SCN2A: variants seen among roughly 807,000 people sequenced by gnomAD.
SCN2A encodes sodium voltage-gated channel alpha subunit 2.
Under a neutral mutation model 188.7 loss-of-function variants are expected in SCN2A, and 20 were observed. That is an observed-to-expected ratio of 0.11 (90% CI 0.07 to 0.15). The LOEUF (loss-of-function observed/expected upper bound fraction) is 0.15. SCN2A is among the 10% of genes least tolerant of loss of function. The probability of loss-of-function intolerance (pLI) is 1.00; values close to 1 mark genes in which losing one functional copy is unlikely to be tolerated. For missense variants in SCN2A, 1,278 were observed against 2,445.0 expected (o/e 0.52, Z 10.07); for synonymous variants, 804 against 833.1 (o/e 0.97, Z 0.60).
chr2:165,267,505 T>G (rs979442706), intron 1 of SCN2A: 9 of 151,904 alleles, frequency 5.9e-5, no homozygotes, highest in Admixed American at 5.9e-4. Flanking sequence ...CAAAATGGAT[T>G]AACAACTTAC....
intron 1 of SCN2A, chr2:165,266,788 C>A (rs1197286600): frequency 6.6e-6 from 1 of 151,952 alleles, no homozygotes; most frequent in Non-Finnish European, 1.5e-5. Context: ...TACAAAAAAA[C>A]CTGTTAGAAC....
In SCN2A at chr2:165,388,783, G is replaced by A. The variant is rs1250394077; in HGVS notation, c.4977G>A (p.Ala1659=). 2.2e-5 allele frequency: 36 copies of A among 1,613,938 alleles called. No individual in the cohort carries two copies. Among genetic ancestry groups the A allele is most frequent in the East Asian group, 4.5e-5 (2 of 44,870 alleles). Residue 1659 remains alanine, a synonymous_variant, in exon 27 of 27, where the codon GCG becomes GCA. Coordinates refer to ENST00000375437, the MANE Select transcript of SCN2A (RefSeq NM_001040142.2). Reference sequence around the variant, plus strand: ...TTGCTTTGATGATGTCCCTTCCTGCGTTGTTTAACATCGGCCTCCTTCTTT... The same window carrying A: ...TTGCTTTGATGATGTCCCTTCCTGCATTGTTTAACATCGGCCTCCTTCTTT... ...LLFALMMSLP[A]LFNIGLLLFL...
chr2:165,296,835 T>C (rs968412656), intron 2 of SCN2A, 182 bp from the exon 3 acceptor site: 3 of 416,566 alleles, frequency 7.2e-6, no homozygotes, highest in African/African-American at 6.2e-5. Context: ...ATTTATCAAA[T>C]TTAGGAAAGT....
intron 1 of SCN2A, among the ~76,000 whole-genome samples, chr2:165,249,529 C>T (rs2106065101): frequency 6.6e-6 from 1 of 152,118 alleles, no homozygotes; most frequent in East Asian, 1.9e-4. Context: ...CAGTTAGAAG[C>T]ACGCCTTAGC....
intron 1 of SCN2A, among the ~76,000 whole-genome samples, chr2:165,258,137 T>C (rs1200864639): frequency 6.6e-6 from 1 of 152,208 alleles, no homozygotes; most frequent in Admixed American, 6.6e-5. Context: ...CTCTGTTGAA[T>C]TTCTTTTGCT....
At chr2:165,380,894 T>G in intron 24 of SCN2A, 165 bp downstream of exon 24, 2 of 707,692 alleles carry the variant, frequency 2.8e-6, no homozygotes, top group South Asian at 3.9e-5. Context: ...ATAATTCAGA[T>G]AGCATGTTTT....
chr2:165,364,426 C>T (rs1700619500), intron 17 of SCN2A, among the ~76,000 whole-genome samples: 1 of 152,070 alleles, frequency 6.6e-6, no homozygotes, highest in South Asian at 2.1e-4. Flanking sequence ...TTGATTTAAC[C>T]TAAAGGAAAA....
At chr2:165,308,311 T>C (rs1356482840) in intron 4 of SCN2A, among the ~76,000 whole-genome samples, 1 of 152,166 alleles carries the variant, frequency 6.6e-6, no homozygotes, top group Non-Finnish European at 1.5e-5. Context: ...TGGCTTTTAA[T>C]GGTGCATATT....
chr2:165,252,715 G>C (rs1215501244), intron 1 of SCN2A, among the ~76,000 whole-genome samples: 1 of 151,976 alleles, frequency 6.6e-6, no homozygotes, highest in Non-Finnish European at 1.5e-5. Flanking sequence ...TCAAGAGTTA[G>C]GCAAAGATTT....
chr2:165,320,806 C>CT (rs970115699), intron 11 of SCN2A, among the ~76,000 whole-genome samples: 7 of 152,212 alleles, frequency 4.6e-5, no homozygotes, highest in Non-Finnish European at 4.4e-5. Flanking sequence ...CATGAAACCA[C>CT]TTTTTCCTCC....
chr2:165,387,278 C>T (rs1431150952), intron 26 of SCN2A, among the ~76,000 whole-genome samples: 2 of 152,138 alleles, frequency 1.3e-5, no homozygotes, highest in Admixed American at 6.5e-5. Context: ...TCTCAGAAGA[C>T]AATAACTGCA....
At chr2:165,330,413 A>G (rs3769948) in intron 13 of SCN2A, among the ~76,000 whole-genome samples, 32,867 of 152,084 alleles carry the variant, frequency 0.22, 4,111 homozygotes, top group East Asian at 0.36. Context: ...TTCTTTGCCA[A>G]TATTCACCAA....
At chr2:165,377,011 C>T (rs1430312873) in intron 22 of SCN2A, among the ~76,000 whole-genome samples, 1 of 151,772 alleles carries the variant, frequency 6.6e-6, no homozygotes, top group African/African-American at 2.4e-5. Context: ...ATTATGTCAA[C>T]GGAGCAGAAA....
chr2:165,380,823 G>T lies in SCN2A; in HGVS notation c.4446+94G>T, dbSNP rs896950975. On this transcript the variant is annotated intron_variant, in intron 24 of 26. Transcript: ENST00000375437. Reference sequence around the variant, plus strand: ...CTCCAAAATGCAATCACCAAAAAAAGAATATAAAATTCAGAAATTATTTTG... The same window carrying T: ...CTCCAAAATGCAATCACCAAAAAAATAATATAAAATTCAGAAATTATTTTG... 6.8e-6 allele frequency: 7 copies of T among 1,028,730 alleles called. No individual in the cohort carries two copies. The African/African-American group carries it at 9.8e-5, about 14-fold the overall frequency. The allele number at this position is 1,028,730 out of a possible 1,614,324, so 63.7% of individuals were successfully genotyped here.
intron 13 of SCN2A, chr2:165,327,244 T>C: frequency 2.3e-6 from 1 of 434,550 alleles, no homozygotes; most frequent in Middle Eastern, 7.1e-4. Flanking sequence ...ATTCTAAACA[T>C]TGAAACTTGT....
intron 1 of SCN2A, among the ~76,000 whole-genome samples, chr2:165,242,082 ATTTGGCTTTTGGTG>A (rs1693648965): frequency 6.6e-6 from 1 of 152,056 alleles, no homozygotes; most frequent in Admixed American, 6.6e-5. Context: ...AGGATAATGA[ATTTGGCTTTTGGTG>A]TTATGCATTT....
At chr2:165,345,471 GTCTT>G (rs1699527723) in intron 16 of SCN2A, among the ~76,000 whole-genome samples, 2 of 151,688 alleles carry the variant, frequency 1.3e-5, no homozygotes, top group South Asian at 4.2e-4. Flanking sequence ...ATTATGTAGT[GTCTT>G]TCTTTGTCTT....
At chr2:165,312,143 A>C (rs1368061126) in intron 8 of SCN2A, 55 bp downstream of exon 8, 2 of 1,287,310 alleles carry the variant, frequency 1.6e-6, no homozygotes, top group Non-Finnish European at 2.3e-6. Context: ...AGTGTCAATA[A>C]CCTGCCACCT....
chr2:165,355,054 A>G (rs1700112727), intron 17 of SCN2A, among the ~76,000 whole-genome samples: 1 of 152,204 alleles, frequency 6.6e-6, no homozygotes, highest in South Asian at 2.1e-4. Flanking sequence ...GGTAGTTGCA[A>G]TTCTCATCTT....
Sources: allele counts gnomAD v4.1 joint callset (sites outside exome capture counted in the v4.1 genomes callset), GRCh38; gene constraint gnomAD v4.1.1; transcripts MANE v1.5; gene names NCBI Gene and HGNC (gene_info 2026-07-23, HGNC 2026-07-21).